Variants in RAPGEF6 observed in about 807,000 individuals in gnomAD.
RAPGEF6 encodes Rap guanine nucleotide exchange factor 6.
RAPGEF6 carries 56 observed loss-of-function variants against 171.4 expected under a neutral mutation model. The ratio of observed to expected loss-of-function variants is 0.33; its 90% CI spans 0.26 to 0.41. The LOEUF is 0.41. RAPGEF6 is among the 10% of genes least tolerant of loss of function. The probability of loss-of-function intolerance (pLI) is 1.00; values close to 1 mark genes in which losing one functional copy is unlikely to be tolerated. For synonymous variants in RAPGEF6, 692 were observed against 650.1 expected, an observed-to-expected ratio of 1.06 and a Z score of -0.98; for missense variants, 1,674 against 1,921.4, an observed-to-expected ratio of 0.87 and a Z score of 2.41.
At chr5:131,439,553 A>G in intron 24 of RAPGEF6, 28 bp downstream of exon 24, 1 of 1,584,480 alleles carries the variant, frequency 6.3e-7, no homozygotes, top group Non-Finnish European at 8.6e-7. Flanking sequence ...TAGTTTAACA[A>G]GAACTAGTTT....
In RAPGEF6 at chr5:131,442,566, C is replaced by A. The variant is rs148257729; in HGVS notation, c.3422-29G>T. On this transcript the variant is annotated intron_variant, in intron 22 of 27. Coordinates refer to ENST00000509018, the MANE Select transcript of RAPGEF6 (RefSeq NM_016340.6). ...ACAGGAGAGAGTAAGAAATAAGTAA[C>A]TGCACGTTTTTAGGCAAGGTTATCA... is the stretch of plus-strand genomic sequence containing the variant. 4.8e-5 allele frequency: 77 copies of A among 1,608,798 alleles called. No individual in the cohort carries two copies. The East Asian group carries it at 1.7e-3, about 35-fold the overall frequency.
At chr5:131,483,749 G>C (rs1266331210) in intron 15 of RAPGEF6, among the ~76,000 whole-genome samples, 1 of 151,960 alleles carries the variant, frequency 6.6e-6, no homozygotes. Flanking sequence ...AATTTATAAA[G>C]TGGTCAAACA....
intron 4 of RAPGEF6, among the ~76,000 whole-genome samples, chr5:131,573,375 G>C (rs1762422335): frequency 2.6e-5 from 4 of 152,004 alleles, no homozygotes; most frequent in Admixed American, 2.6e-4. Context: ...AAATCAGCCA[G>C]CGTTTAGGGT....
chr5:131,517,994 C>T lies in RAPGEF6; in HGVS notation c.627+3396G>A, dbSNP rs372586767. Among the ~76,000 whole-genome samples the T allele has an allele frequency of 2.0e-5, 3 of 151,652 alleles. No individual in the cohort carries two copies. In the East Asian group the frequency reaches 5.8e-4, roughly 29 times the overall value. On this transcript the variant is annotated intron_variant, in intron 7 of 27. Transcript: ENST00000509018. ...TAACTATACAATCTATTTACGTCCT[C>T]CTTAATATTTGTTAAATAAATAAAA... is the stretch of plus-strand genomic sequence containing the variant.
At chr5:131,518,128 A>T (rs1178363457) in intron 7 of RAPGEF6, among the ~76,000 whole-genome samples, 1 of 152,102 alleles carries the variant, frequency 6.6e-6, no homozygotes, top group Non-Finnish European at 1.5e-5. Flanking sequence ...TGTATCTACA[A>T]GTATAACATA....
At chr5:131,554,761 C>T (rs1377307247) in intron 5 of RAPGEF6, among the ~76,000 whole-genome samples, 15 of 152,150 alleles carry the variant, frequency 9.9e-5, no homozygotes, top group Non-Finnish European at 2.2e-4. Flanking sequence ...AGGTGATCCA[C>T]CCGCCTTGGC....
In RAPGEF6 at chr5:131,504,784, CA is replaced by C. The variant is rs1757244390; in HGVS notation, c.1102-7del. ...TGCTGGGCTATGCAGACAAACTGTC[CA>C]AGAACAACATGGGGACAGTTAATGA... is the stretch of plus-strand genomic sequence containing the variant. On this transcript the variant is annotated splice_region_variant and splice_polypyrimidine_tract_variant and intron_variant, in intron 10 of 27. Transcript: ENST00000509018. The C allele has an allele frequency of 6.2e-7, 1 of 1,607,596 alleles. No homozygotes were observed. The highest frequency in any genetic ancestry group is 8.5e-7 in the Non-Finnish European group (1 of 1,177,048).
At chr5:131,469,729 G>C (rs1754615980) in intron 17 of RAPGEF6, 1 of 1,156,598 alleles carries the variant, frequency 8.6e-7, no homozygotes, top group African/African-American at 1.6e-5. Context: ...TGTATCATTG[G>C]ACTTTTAAAA....
At chr5:131,446,349 A>C (rs1380420122) in intron 22 of RAPGEF6, 134 bp downstream of exon 22, 1 of 795,208 alleles carries the variant, frequency 1.3e-6, no homozygotes, top group African/African-American at 1.7e-5. Context: ...ATTGGATCAC[A>C]TGATGCTTAA....
intron 6 of RAPGEF6, among the ~76,000 whole-genome samples, chr5:131,521,840 T>TACAC (rs3992018): frequency 0.048 from 4,624 of 96,880 alleles, 95 homozygotes; most frequent in East Asian, 0.075. Context: ...AATGTTACCC[T>TACAC]ACACACACAC....
chr5:131,436,985 A>G (rs1752050928), intron 24 of RAPGEF6, among the ~76,000 whole-genome samples: 1 of 152,180 alleles, frequency 6.6e-6, no homozygotes, highest in Non-Finnish European at 1.5e-5. Flanking sequence ...TTTCTTAATC[A>G]TAAGAAAACA....
At chr5:131,485,505 C>T (rs930632784) in intron 15 of RAPGEF6, among the ~76,000 whole-genome samples, 1 of 152,140 alleles carries the variant, frequency 6.6e-6, no homozygotes, top group Non-Finnish European at 1.5e-5. Flanking sequence ...TAGGAGTTCC[C>T]TTTTCTCATT....
chr5:131,453,310 C>A, intron 20 of RAPGEF6, 133 bp from the exon 21 acceptor site: 1 of 1,402,134 alleles, frequency 7.1e-7, no homozygotes, highest in Non-Finnish European at 9.4e-7. Context: ...CTTTTAAGAA[C>A]TGGTATACCC....
intron 7 of RAPGEF6, among the ~76,000 whole-genome samples, chr5:131,513,574 G>A (rs573648576): frequency 1.9e-4 from 29 of 152,318 alleles, no homozygotes; most frequent in African/African-American, 6.7e-4. Context: ...ATCTGCATGA[G>A]AAGCAAAGAC....
intron 6 of RAPGEF6, among the ~76,000 whole-genome samples, chr5:131,524,681 T>TCTCGGCTCACTGCAAC (rs1038525928): frequency 4.6e-5 from 7 of 151,642 alleles, no homozygotes; most frequent in Non-Finnish European, 8.8e-5. Flanking sequence ...AGCGGCGCAA[T>TCTCGGCTCACTGCAAC]CTCGGCTCAC....
intron 15 of RAPGEF6, among the ~76,000 whole-genome samples, chr5:131,487,123 TGGTG>T (rs1313617885): frequency 1.8e-3 from 275 of 152,186 alleles, no homozygotes; most frequent in Non-Finnish European, 3.2e-3. Context: ...CTCTTAAAGA[TGGTG>T]TGTCTGGAGT....
At chr5:131,632,721 C>T (rs761654086) in intron 1 of RAPGEF6, among the ~76,000 whole-genome samples, 17 of 152,226 alleles carry the variant, frequency 1.1e-4, no homozygotes, top group Non-Finnish European at 2.4e-4. Context: ...AGTAAAAGGA[C>T]CTTCTGAAAA....
rs191768407 is a variant in RAPGEF6, at chr5:131,585,490, T to A, written c.281+6893A>T. Among the ~76,000 whole-genome samples the A allele has an allele frequency of 1.0e-3, 158 of 152,116 alleles. 1 individual carries two copies. The highest frequency in any genetic ancestry group is 3.6e-3 in the African/African-American group (151 of 41,500). ...CTCACTGAGATAAATGCATACCTGA[T>A]TGCCTCCTTTGGAGGGGCTAATCAG... On this transcript the variant is annotated intron_variant, in intron 4 of 27. Coordinates refer to ENST00000509018, the MANE Select transcript of RAPGEF6 (RefSeq NM_016340.6).
At chr5:131,533,260 GA>G (rs1298405841) in intron 6 of RAPGEF6, among the ~76,000 whole-genome samples, 2 of 149,912 alleles carry the variant, frequency 1.3e-5, no homozygotes, top group Non-Finnish European at 3.0e-5. Flanking sequence ...AATTCTTTAA[GA>G]AAAAAATTGG....
Sources: allele counts gnomAD v4.1 joint callset (sites outside exome capture counted in the v4.1 genomes callset), GRCh38; gene constraint gnomAD v4.1.1; transcripts MANE v1.5; gene names NCBI Gene and HGNC (gene_info 2026-07-23, HGNC 2026-07-21).